The following RSL1D1 variants were observed in gnomAD, a reference collection of about 807,000 sequenced individuals.
RSL1D1 encodes the protein ribosomal L1 domain-containing protein 1.
A neutral mutation model predicts 44.6 loss-of-function variants in RSL1D1; 34 were observed. The ratio of observed to expected loss-of-function variants is 0.76; its 90% CI spans 0.58 to 1.02. RSL1D1 has a LOEUF of 1.02. Among genes scored for constraint, RSL1D1 ranks in the 50% least tolerant of loss-of-function variants. The probability of loss-of-function intolerance (pLI) is 0.00; values close to 1 mark genes in which losing one functional copy is unlikely to be tolerated. For missense variants in RSL1D1, 767 were observed against 568.1 expected (o/e 1.35, Z -3.56); for synonymous variants, 271 against 207.4 (o/e 1.31, Z -2.63).
In RSL1D1 at chr16:11,847,745, G is replaced by C; in HGVS notation, c.307C>G (p.Pro103Ala). ...TCTGTCTTTTCAGGAGTTGAATTGG[G>C]TTCATCCTTCGTAAATAAACAGATA... is the stretch of plus-strand genomic sequence containing the variant. ...EDICLFTKDE[P>A]NSTPEKTEQF... Residue 103 changes from proline to alanine, a missense_variant, in exon 3 of 9, where the codon CCC becomes GCC. Coordinates refer to ENST00000571133, the MANE Select transcript of RSL1D1 (RefSeq NM_015659.3). The C allele has an allele frequency of 6.2e-7, 1 of 1,612,752 alleles. No homozygotes were observed. The highest frequency in any genetic ancestry group is 8.5e-7 in the Non-Finnish European group (1 of 1,178,910).
At chr16:11,843,123 C>T (rs2053774483) in intron 5 of RSL1D1, among the ~76,000 whole-genome samples, 2 of 147,980 alleles carry the variant, frequency 1.4e-5, no homozygotes, top group African/African-American at 2.5e-5. Context: ...TTAGTAGAGA[C>T]GGGGTTTCTC....
chr16:11,848,620 G>C (rs1029514244), intron 2 of RSL1D1, among the ~76,000 whole-genome samples: 10 of 152,138 alleles, frequency 6.6e-5, no homozygotes, highest in Non-Finnish European at 1.5e-4. Flanking sequence ...CAGCATAGCT[G>C]AGACTCCAGG....
intron 5 of RSL1D1, 68 bp downstream of exon 5, chr16:11,846,433 A>G (rs560962563): frequency 8.5e-5 from 74 of 868,962 alleles, no homozygotes; most frequent in Admixed American, 2.0e-4. Flanking sequence ...AACAAAACGA[A>G]TAAGTATATA....
rs760431429 is a variant in RSL1D1 at position 11,838,104 on chromosome 16, G to C, written c.1156C>G (p.His386Asp). The stretch of plus-strand genomic sequence containing the variant: ...GCTGGAGACTTCTTTCCTGTGGCAT[G>C]TTTTTGAATCTAAGAAAAAAAAAAG... The part of the protein sequence containing the change: ...PANEKVEIQK[H>D]ATGKKSPAKS... The change falls in exon 9 of 9, where the codon CAT becomes GAT. Residue 386 changes from histidine (H) to aspartate (D), a missense_variant. His to Asp is a moderately conservative substitution (Grantham distance 81, BLOSUM62 -1). Transcript: ENST00000571133. 1.0e-5 allele frequency: 16 copies of C among 1,558,124 alleles called. No homozygotes were observed. Among genetic ancestry groups the C allele is most frequent in the Non-Finnish European group, 1.3e-5 (15 of 1,158,694 alleles).
At chr16:11,840,890 T>A (rs1428461425) in intron 7 of RSL1D1, among the ~76,000 whole-genome samples, 1 of 152,162 alleles carries the variant, frequency 6.6e-6, no homozygotes, top group African/African-American at 2.4e-5. Flanking sequence ...CTGTTACCCT[T>A]TTCCCTGAGC....
Position 11,846,849 on chromosome 16 carries a change from A to C in RSL1D1, c.385-6T>G, listed in dbSNP as rs1176101153. 1 of 1,584,854 alleles carries C rather than the reference A, an allele frequency of 6.3e-7. No homozygotes were observed. The highest frequency in any genetic ancestry group is 8.6e-7 in the Non-Finnish European group (1 of 1,160,446). On this transcript the variant is annotated splice_region_variant and splice_polypyrimidine_tract_variant and intron_variant, in intron 3 of 8. Coordinates refer to ENST00000571133, the MANE Select transcript of RSL1D1 (RefSeq NM_015659.3). Reference sequence around the variant, plus strand: ...AGAGTTTGGAGGGAGATAATCTAGGAAGTATAGAGAAGAATAAAAACAAGA... The same window carrying C: ...AGAGTTTGGAGGGAGATAATCTAGGCAGTATAGAGAAGAATAAAAACAAGA...
Position 11,851,433 on chromosome 16 carries a change from G to A in RSL1D1, c.80C>T (p.Ala27Val), listed in dbSNP as rs750329833. 5 of 1,614,074 alleles carry A rather than the reference G, an allele frequency of 3.1e-6. No individual in the cohort carries two copies. The Admixed American group carries it at 5.0e-5, about 16-fold the overall frequency. The change falls in exon 1 of 9, where the codon GCA becomes GTA. Residue 27 changes from alanine to valine, a missense_variant. Physicochemically the swap from Ala to Val is moderately conservative, Grantham distance 64. Coordinates refer to ENST00000571133, the MANE Select transcript of RSL1D1 (RefSeq NM_015659.3). ...CTGTTCTTTATCCAGCTGCTTCCGTGCTGTCGGGGCCGCTGGAGTCGAGGT... is the reference window on the plus strand; with the variant it reads ...CTGTTCTTTATCCAGCTGCTTCCGTACTGTCGGGGCCGCTGGAGTCGAGGT... ...TSTSTPAAPT[A>V]RKQLDKEQVR...
rs757572072 is a variant in RSL1D1 at position 11,851,532 on chromosome 16, G to C, written c.-20C>G. 3.1e-6 allele frequency: 5 copies of C among 1,610,858 alleles called. No homozygotes were observed. In the South Asian group the frequency reaches 4.4e-5, roughly 14 times the overall value. On this transcript the variant is annotated 5_prime_UTR_variant, in exon 1 of 9. Coordinates refer to ENST00000571133, the MANE Select transcript of RSL1D1 (RefSeq NM_015659.3). Reference sequence around the variant, plus strand: ...CTCCATCTTGTTTCCACCTCGTGAAGAGGCGCGTGTGCAACCCCACTGCTG... The same window carrying C: ...CTCCATCTTGTTTCCACCTCGTGAACAGGCGCGTGTGCAACCCCACTGCTG...
intron 3 of RSL1D1, 103 bp downstream of exon 3, chr16:11,847,565 A>T: frequency 9.9e-7 from 1 of 1,007,136 alleles, no homozygotes; most frequent in Non-Finnish European, 1.5e-6. Flanking sequence ...AAAAAGAGAA[A>T]AGTAGAAGAA....
Position 11,851,430 on chromosome 16 carries a change from C to T in RSL1D1, c.83G>A (p.Arg28Gln). 6.2e-7 allele frequency: 1 copy of T among 1,614,106 alleles called. No homozygotes were observed. Among genetic ancestry groups the T allele is most frequent in the Non-Finnish European group, 8.5e-7 (1 of 1,179,968 alleles). ...CACCTGTTCTTTATCCAGCTGCTTC[C>T]GTGCTGTCGGGGCCGCTGGAGTCGA... is the stretch of plus-strand genomic sequence containing the variant. The part of the protein sequence containing the change: ...STSTPAAPTA[R>Q]KQLDKEQVRK... Residue 28 changes from arginine to glutamine, a missense_variant, in exon 1 of 9, where the codon CGG becomes CAG. Transcript: ENST00000571133.
rs1220380913 is a variant in RSL1D1 at position 11,846,843 on chromosome 16, T to A, written c.385A>T (p.Ile129Phe). Reference sequence around the variant, plus strand: ...TTCTTTAGAGTTTGGAGGGAGATAATCTAGGAAGTATAGAGAAGAATAAAA... The same window carrying A: ...TTCTTTAGAGTTTGGAGGGAGATAAACTAGGAAGTATAGAGAAGAATAAAA... ...NKHGIKTVSQ[I>F]ISLQTLKKEY... Residue 129 changes from isoleucine to phenylalanine, a missense_variant and splice_region_variant, in exon 4 of 9, where the codon ATT becomes TTT. Coordinates refer to ENST00000571133, the MANE Select transcript of RSL1D1 (RefSeq NM_015659.3). 2 of 1,603,878 alleles carry A rather than the reference T, an allele frequency of 1.2e-6. No individual in the cohort carries two copies. Among genetic ancestry groups the A allele is most frequent in the Admixed American group, 1.7e-5 (1 of 59,840 alleles).
chr16:11,838,168 T>A, intron 8 of RSL1D1, 55 bp from the exon 9 acceptor site: 1 of 1,325,036 alleles, frequency 7.5e-7, no homozygotes, highest in Non-Finnish European at 1.0e-6. Context: ...CCTGACACTC[T>A]AACTCCAGGA....
rs764304411 is a variant in RSL1D1 at position 11,837,963 on chromosome 16, T to C, written c.1297A>G (p.Lys433Glu). 12 of 1,614,040 alleles carry C rather than the reference T, an allele frequency of 7.4e-6. No homozygotes were observed. The African/African-American group carries it at 1.2e-4, about 16-fold the overall frequency. ...TPGKSPEKKPKIKEEAVKEKS... is the reference protein window; with the variant it reads ...TPGKSPEKKPEIKEEAVKEKS... ...TCCTTCACTGCCTCTTCTTTGATTT[T>C]TGGCTTCTTCTCTGGGCTTTTCCCT... Residue 433 changes from lysine to glutamate, a missense_variant, in exon 9 of 9, where the codon AAA (lysine) becomes GAA (glutamate). Coordinates refer to ENST00000571133, the MANE Select transcript of RSL1D1 (RefSeq NM_015659.3).
At chr16:11,848,067 C>T (rs1442598676) in intron 2 of RSL1D1, among the ~76,000 whole-genome samples, 1 of 152,074 alleles carries the variant, frequency 6.6e-6, no homozygotes, top group Non-Finnish European at 1.5e-5. Context: ...GCCTGGCCAA[C>T]ATGGTGAAAC....
At chr16:11,845,584 G>T (rs1047518102) in intron 5 of RSL1D1, among the ~76,000 whole-genome samples, 2 of 152,168 alleles carry the variant, frequency 1.3e-5, no homozygotes, top group Non-Finnish European at 1.5e-5. Context: ...TAAAAATTCA[G>T]CTTCTAACAC....
chr16:11,843,418 C>A (rs1416220857), intron 5 of RSL1D1, among the ~76,000 whole-genome samples: 1 of 151,950 alleles, frequency 6.6e-6, no homozygotes, highest in African/African-American at 2.4e-5. Flanking sequence ...AGGTTAGGCG[C>A]ATTGGGAGGC....
chr16:11,837,980 C>G lies in RSL1D1; in HGVS notation c.1280G>C (p.Ser427Thr). ...TTTGATTTTTGGCTTCTTCTCTGGG[C>G]TTTTCCCTGGGGTCTCAGACTCTGC... ...KAAESETPGK[S>T]PEKKPKIKEE... is the part of the protein sequence containing the mutation. Residue 427 changes from serine to threonine, a missense_variant, in exon 9 of 9, where the codon AGC (serine) becomes ACC (threonine). Coordinates refer to ENST00000571133, the MANE Select transcript of RSL1D1 (RefSeq NM_015659.3). 6.2e-7 allele frequency: 1 copy of G among 1,614,004 alleles called. No individual in the cohort carries two copies. Among genetic ancestry groups the G allele is most frequent in the Non-Finnish European group, 8.5e-7 (1 of 1,180,008 alleles).
chr16:11,851,263 G>A, intron 1 of RSL1D1, 145 bp downstream of exon 1: 1 of 761,770 alleles, frequency 1.3e-6, no homozygotes, highest in East Asian at 2.6e-5. Flanking sequence ...GTAAAGGGGA[G>A]AGACAGCTGA....
intron 7 of RSL1D1, 113 bp from the exon 8 acceptor site, chr16:11,840,098 G>A (rs2053754935): frequency 3.4e-6 from 5 of 1,469,306 alleles, no homozygotes; most frequent in African/African-American, 1.4e-5. Context: ...AATGGACCTC[G>A]ATCTATACAG....
Sources: gnomAD v4.1 joint callset for allele counts (sites outside exome capture counted in the v4.1 genomes callset) on GRCh38, gnomAD v4.1.1 for gene constraint, MANE v1.5 for transcripts, NCBI Gene and HGNC (gene_info 2026-07-23, HGNC 2026-07-21) for gene names.